PRMT8: variants seen among roughly 807,000 people sequenced by gnomAD.
The protein encoded by PRMT8 is protein arginine methyltransferase 8, also known as protein arginine N-methyltransferase 8.
PRMT8 carries 7 observed loss-of-function variants against 47.1 expected under a neutral mutation model. The ratio of observed to expected loss-of-function variants is 0.15; its 90% CI spans 0.08 to 0.28. The LOEUF is 0.28. PRMT8 is among the 10% of genes least tolerant of loss of function. The pLI is 1.00. For synonymous variants in PRMT8, 188 were observed against 186.5 expected (o/e 1.01, Z -0.07); for missense variants, 237 against 505.4 (o/e 0.47, Z 5.09).
At chr12:3,448,703 T>A (rs1864884560) in intron 1 of PRMT8, among the ~76,000 whole-genome samples, 2 of 152,192 alleles carry the variant, frequency 1.3e-5, no homozygotes, top group Non-Finnish European at 2.9e-5. Flanking sequence ...AAACCACCGT[T>A]TTTTTATTTT....
Position 3,464,950 on chromosome 12 carries a change from C to A in PRMT8, c.49-75656C>A, listed in dbSNP as rs529397557. On this transcript the variant is annotated intron_variant, in intron 1 of 9. Coordinates refer to the PRMT8 transcript ENST00000452611. ...GACCAGCCTGACCAACATAGAGAAA[C>A]CCTGTCTCTACTAAAAATGCAAAAT... Among the ~76,000 whole-genome samples, 19 of 151,766 alleles carry A rather than the reference C, an allele frequency of 1.3e-4. No homozygotes were observed. In the South Asian group the frequency reaches 4.0e-3, roughly 32 times the overall value.
At chr12:3,561,008 C>A (rs1866627198) in intron 4 of PRMT8, among the ~76,000 whole-genome samples, 1 of 152,140 alleles carries the variant, frequency 6.6e-6, no homozygotes, top group African/African-American at 2.4e-5. Context: ...TGATTCTTGG[C>A]CACACACTCC....
intron 1 of PRMT8, among the ~76,000 whole-genome samples, chr12:3,441,770 T>A (rs1206238581): frequency 1.3e-5 from 2 of 152,240 alleles, no homozygotes; most frequent in East Asian, 3.8e-4. Context: ...TTAACAAATG[T>A]TTAGCTTTGG....
chr12:3,513,263 CCT>C (rs1241817199), intron 1 of PRMT8, among the ~76,000 whole-genome samples: 8 of 152,158 alleles, frequency 5.3e-5, no homozygotes, highest in Admixed American at 5.2e-4. Context: ...GTTCTCTGTT[CCT>C]CTTTCCCTCA....
At chr12:3,422,861 C>T (rs1864558436) in intron 1 of PRMT8, among the ~76,000 whole-genome samples, 1 of 152,216 alleles carries the variant, frequency 6.6e-6, no homozygotes, top group African/African-American at 2.4e-5. Flanking sequence ...CCTTTGAGAA[C>T]CTCACTTATT....
At chr12:3,560,758 G>A (rs1250169636) in intron 4 of PRMT8, among the ~76,000 whole-genome samples, 1 of 152,202 alleles carries the variant, frequency 6.6e-6, no homozygotes, top group African/African-American at 2.4e-5. Flanking sequence ...CATGACATGA[G>A]GTAGTGGCAA....
intron 1 of PRMT8, among the ~76,000 whole-genome samples, chr12:3,422,771 T>G (rs1949451084): frequency 1.3e-5 from 2 of 152,230 alleles, no homozygotes; most frequent in African/African-American, 4.8e-5. Context: ...CATTTCTGCC[T>G]TTTAGTTTTT....
chr12:3,483,466 G>A (rs1246448993), intron 1 of PRMT8, among the ~76,000 whole-genome samples: 1 of 150,224 alleles, frequency 6.7e-6, no homozygotes, highest in South Asian at 2.1e-4. Flanking sequence ...TTTTTCCTGT[G>A]GAATAACTTG....
chr12:3,458,686 C>G (rs10774149), intron 1 of PRMT8, among the ~76,000 whole-genome samples: 101,967 of 152,134 alleles, frequency 0.67, 34,700 homozygotes, highest in Non-Finnish European at 0.74. Context: ...TTAATGAAAT[C>G]AGACCCTCCT....
intron 1 of PRMT8, among the ~76,000 whole-genome samples, chr12:3,413,080 A>G (rs1276491913): frequency 6.6e-6 from 1 of 152,208 alleles, no homozygotes; most frequent in African/African-American, 2.4e-5. Flanking sequence ...ATTTTCCTCC[A>G]GAAAGTATAT....
At chr12:3,568,030 C>T (rs894469295) in intron 4 of PRMT8, among the ~76,000 whole-genome samples, 2 of 151,224 alleles carry the variant, frequency 1.3e-5, no homozygotes, top group African/African-American at 4.9e-5. Flanking sequence ...AGAGATCACG[C>T]CACTGCACTC....
intron 1 of PRMT8, among the ~76,000 whole-genome samples, chr12:3,494,400 G>A (rs1483030710): frequency 6.6e-6 from 1 of 152,110 alleles, no homozygotes; most frequent in Non-Finnish European, 1.5e-5. Context: ...TTATAGTTGA[G>A]GACACCGAGG....
Position 3,568,761 on chromosome 12 carries a change from G to A in PRMT8, c.537G>A (p.Val179=), listed in dbSNP as rs1421898071. The change falls in exon 5 of 10, where the codon GTG becomes GTA. Residue 179 remains valine (V), a synonymous_variant. Transcript: ENST00000382622. The part of the protein sequence containing the change: ...VEEVELPVEK[V]DIIISEWMGY... Reference sequence around the variant, plus strand: ...AGGTGGAGCTGCCTGTGGAGAAGGTGGACATCATCATCAGCGAGTGGATGG... The same window carrying A: ...AGGTGGAGCTGCCTGTGGAGAAGGTAGACATCATCATCAGCGAGTGGATGG... 6.8e-6 allele frequency: 11 copies of A among 1,614,144 alleles called. No homozygotes were observed. Among genetic ancestry groups the A allele is most frequent in the Non-Finnish European group, 9.3e-6 (11 of 1,180,018 alleles).
chr12:3,487,570 C>T (rs377566810), upstream of PRMT8, among the ~76,000 whole-genome samples: 35 of 152,300 alleles, frequency 2.3e-4, no homozygotes, highest in East Asian at 6.2e-3. Context: ...TTTGTGGGGC[C>T]TCTACATCAT....
intron 1 of PRMT8, among the ~76,000 whole-genome samples, chr12:3,406,303 T>C (rs982524059): frequency 2.6e-5 from 4 of 152,240 alleles, no homozygotes; most frequent in African/African-American, 9.6e-5. Flanking sequence ...TCTTGGCCTG[T>C]GATGGGAGGG....
intron 1 of PRMT8, among the ~76,000 whole-genome samples, chr12:3,533,194 GA>G: frequency 1.3e-5 from 2 of 152,308 alleles, no homozygotes; most frequent in South Asian, 4.1e-4. Flanking sequence ...TCCAGGCCTG[GA>G]AAAGGCAGAT....
rs543108801 is a variant in PRMT8, at chr12:3,564,228, T to C, written c.482-4478T>C. 2.0e-5 allele frequency among the ~76,000 whole-genome samples: 3 copies of C among 152,184 alleles called. No individual in the cohort carries two copies. In the East Asian group the frequency reaches 5.8e-4, roughly 29 times the overall value. On this transcript the variant is annotated intron_variant, in intron 4 of 9. Coordinates refer to ENST00000382622, the MANE Select transcript of PRMT8 (RefSeq NM_019854.5). This position sits in a 1 kb window ranked among gnomAD's most constrained non-coding sequence, Gnocchi z 4.0. Reference sequence around the variant, plus strand: ...GGGGTCAGGGGGCTTCATAGGCTCATAATATGTTCCCATGCCTGTGACCCT... The same window carrying C: ...GGGGTCAGGGGGCTTCATAGGCTCACAATATGTTCCCATGCCTGTGACCCT...
At position 3,467,171 on chromosome 12, in the gene PRMT8, C is replaced by T. The variant is rs373463365; in HGVS notation, c.49-73435C>T. Among the ~76,000 whole-genome samples, 1,089 of 124,058 alleles carry T rather than the reference C, an allele frequency of 8.8e-3. 14 individuals carry two copies. The highest frequency in any genetic ancestry group is 0.03 in the African/African-American group (1,000 of 33,796). The allele number at this position is 124,058 out of a possible 152,430, so 81.4% of individuals were successfully genotyped here. A position where few individuals can be genotyped will look rare whatever the true frequency, so the allele number is the denominator to read the frequency against. On this transcript the variant is annotated intron_variant, in intron 1 of 9. Coordinates refer to the PRMT8 transcript ENST00000452611. ...AGGAGAATGGCATGAACCTGGGAGG[C>T]GGAGCTTGCAGTGAGCCGAGATCGC...
chr12:3,588,172 C>T (rs905708535), intron 8 of PRMT8, among the ~76,000 whole-genome samples: 13 of 152,222 alleles, frequency 8.5e-5, no homozygotes, highest in African/African-American at 2.4e-4. Context: ...TTACTTTCTG[C>T]GCCTTGGGCT....
Sources: gnomAD v4.1 joint callset for allele counts (sites outside exome capture counted in the v4.1 genomes callset) on GRCh38, gnomAD v4.1.1 for gene constraint, Gnocchi (gnomAD v3.1) non-coding constraint, MANE v1.5 for transcripts, NCBI Gene and HGNC (gene_info 2026-07-23, HGNC 2026-07-21) for gene names.